The following AGAP1 variants were observed in gnomAD, a reference collection of about 807,000 sequenced individuals.
AGAP1 encodes arf-GAP with GTPase, ANK repeat and PH domain-containing protein 1.
A neutral mutation model predicts 105.3 loss-of-function variants in AGAP1; 29 were observed. The observed-to-expected ratio is 0.28, with a 90% CI of 0.21 to 0.38. The LOEUF (loss-of-function observed/expected upper bound fraction) is 0.38, where lower values mean the gene tolerates loss of function less well. Among genes scored for constraint, AGAP1 ranks in the 10% least tolerant of loss-of-function variants. AGAP1 has a pLI of 1.00. For synonymous variants in AGAP1, 509 were observed against 485.9 expected (o/e 1.05, Z -0.63); for missense variants, 998 against 1,165.1 (o/e 0.86, Z 2.09).
chr2:236,004,538 C>G (rs2056249901), intron 13 of AGAP1, among the ~76,000 whole-genome samples: 1 of 152,138 alleles, frequency 6.6e-6, no homozygotes, highest in Non-Finnish European at 1.5e-5. Context: ...CTGGTCTACC[C>G]CAAAGAGCAT....
chr2:235,978,668 G>A (rs1264249003), intron 13 of AGAP1, among the ~76,000 whole-genome samples: 1 of 152,200 alleles, frequency 6.6e-6, no homozygotes, highest in Non-Finnish European at 1.5e-5. Context: ...AAAGGCTTCA[G>A]GGGGTTGGAG....
chr2:236,115,257 G>C (rs1361860855), intron 16 of AGAP1, among the ~76,000 whole-genome samples: 1 of 152,208 alleles, frequency 6.6e-6, no homozygotes, highest in East Asian at 1.9e-4. Flanking sequence ...GGGAACCACT[G>C]TGGCCATGGT....
At chr2:235,852,717 C>A in intron 9 of AGAP1, 2 of 1,529,788 alleles carry the variant, frequency 1.3e-6, no homozygotes, top group South Asian at 1.2e-5. Context: ...GCACTGACAG[C>A]CAGCACTTAT....
At chr2:236,110,111 C>G (rs997386008) in intron 16 of AGAP1, among the ~76,000 whole-genome samples, 3 of 152,218 alleles carry the variant, frequency 2.0e-5, no homozygotes, top group African/African-American at 7.2e-5. Context: ...GGGCAGTGTT[C>G]TGTATCACTG....
chr2:235,565,264 G>A (rs1031637208), intron 1 of AGAP1, among the ~76,000 whole-genome samples: 4 of 149,050 alleles, frequency 2.7e-5, no homozygotes, highest in South Asian at 2.1e-4. Context: ...GAGCATCTTC[G>A]CAGGGCCAGG....
At chr2:235,670,236 C>T (rs1388221579) in intron 1 of AGAP1, 19 of 567,562 alleles carry the variant, frequency 3.3e-5, no homozygotes, top group Non-Finnish European at 6.1e-5. Context: ...GCGCCGGGCT[C>T]CGGCGGCCCG....
Position 235,720,383 on chromosome 2 carries a change from G to A in AGAP1, c.310+2739G>A, listed in dbSNP as rs1217693020. Among the ~76,000 whole-genome samples, 1 of 152,100 alleles carries A rather than the reference G, an allele frequency of 6.6e-6. No homozygotes were observed. Among genetic ancestry groups the A allele is most frequent in the Non-Finnish European group, 1.5e-5 (1 of 68,018 alleles). ...CTATCAAAGGGATGTGTTGTCCTCGGGGAGTGCTGGAGGCTGACAAAGCTG... is the reference window on the plus strand; with the variant it reads ...CTATCAAAGGGATGTGTTGTCCTCGAGGAGTGCTGGAGGCTGACAAAGCTG... On this transcript the variant is annotated intron_variant, in intron 3 of 17. Transcript: ENST00000304032. This position sits in a 1 kb window ranked among gnomAD's most constrained non-coding sequence, Gnocchi z 5.0.
rs1039379051 is a variant in AGAP1 at position 235,621,613 on chromosome 2, C to T, written c.164-87566C>T. The stretch of plus-strand genomic sequence containing the variant: ...CTGCCCATCATGCATTTAGGGGCTC[C>T]TCTGACTCCAGATGTCAGTGACCCT... On this transcript the variant is annotated intron_variant, in intron 1 of 17. Transcript: ENST00000304032. The surrounding 1 kb of genome is among the most constrained non-coding windows in gnomAD (Gnocchi z 4.1). 6.6e-6 allele frequency among the ~76,000 whole-genome samples: 1 copy of T among 152,218 alleles called. No individual in the cohort carries two copies. Among genetic ancestry groups the T allele is most frequent in the African/African-American group, 2.4e-5 (1 of 41,466 alleles).
Position 235,551,915 on chromosome 2 carries a change from G to A in AGAP1, c.163+57066G>A, listed in dbSNP as rs991456202. Among the ~76,000 whole-genome samples, 4 of 152,236 alleles carry A rather than the reference G, an allele frequency of 2.6e-5. No homozygotes were observed. Among genetic ancestry groups the A allele is most frequent in the African/African-American group, 9.6e-5 (4 of 41,458 alleles). ...GCTGTCTTTCAGCTGTGAGGAGCCA[G>A]GAGGGCGATCCCAGCTTTCTCCTGG... On this transcript the variant is annotated intron_variant, in intron 1 of 17. Coordinates refer to ENST00000304032, the MANE Select transcript of AGAP1 (RefSeq NM_001037131.3). This position sits in a 1 kb window ranked among gnomAD's most constrained non-coding sequence, Gnocchi z 4.8.
In AGAP1 at chr2:235,864,241, G is replaced by A. The variant is rs1440384164; in HGVS notation, c.1051-19104G>A. On this transcript the variant is annotated intron_variant, in intron 9 of 17. Coordinates refer to ENST00000304032, the MANE Select transcript of AGAP1 (RefSeq NM_001037131.3). The surrounding 1 kb of genome is among the most constrained non-coding windows in gnomAD (Gnocchi z 5.0). ...GAATTCCTCCCTGCCATATCCATGT[G>A]CCACTGTGTAGTCCCGTGAACTCTG... Among the ~76,000 whole-genome samples, 1 of 152,206 alleles carries A rather than the reference G, an allele frequency of 6.6e-6. No homozygotes were observed. The highest frequency in any genetic ancestry group is 2.4e-5 in the African/African-American group (1 of 41,464).
Position 235,904,842 on chromosome 2 carries a change from A to G in AGAP1, c.1156-3896A>G. Among the ~76,000 whole-genome samples the G allele has an allele frequency of 6.6e-6, 1 of 152,238 alleles. No homozygotes were observed. The highest frequency in any genetic ancestry group is 1.9e-4 in the East Asian group (1 of 5,200). On this transcript the variant is annotated intron_variant, in intron 10 of 17. Coordinates refer to ENST00000304032, the MANE Select transcript of AGAP1 (RefSeq NM_001037131.3). The surrounding 1 kb of genome is among the most constrained non-coding windows in gnomAD (Gnocchi z 4.2). ...TGAAGCCACAGATACATGTGTCTTT[A>G]TCTCCCACCTGTGTGTGAAGCGCTG...
intron 15 of AGAP1, among the ~76,000 whole-genome samples, chr2:236,041,838 G>T (rs1364127353): frequency 6.6e-6 from 1 of 152,190 alleles, no homozygotes; most frequent in African/African-American, 2.4e-5. Context: ...GCCATCGGGG[G>T]CATGCGGCGG....
At position 236,001,525 on chromosome 2, in the gene AGAP1, A is replaced by C. The variant is rs1316759381; in HGVS notation, c.1645+32902A>C. On this transcript the variant is annotated intron_variant, in intron 13 of 17. Coordinates refer to ENST00000304032, the MANE Select transcript of AGAP1 (RefSeq NM_001037131.3). This position sits in a 1 kb window ranked among gnomAD's most constrained non-coding sequence, Gnocchi z 4.7. ...AGTGGTGACAGTGGCTTCCCCAGGCATCAGCGCCACAGGAGGAGAGACACA... is the reference window on the plus strand; with the variant it reads ...AGTGGTGACAGTGGCTTCCCCAGGCCTCAGCGCCACAGGAGGAGAGACACA... Among the ~76,000 whole-genome samples the C allele has an allele frequency of 1.3e-5, 2 of 152,104 alleles. No homozygotes were observed. The highest frequency in any genetic ancestry group is 4.8e-5 in the African/African-American group (2 of 41,414).
intron 1 of AGAP1, among the ~76,000 whole-genome samples, chr2:235,680,194 G>A (rs535843856): frequency 6.6e-6 from 1 of 152,182 alleles, no homozygotes; most frequent in Non-Finnish European, 1.5e-5. Context: ...ACTGAAGAGC[G>A]GTAATTAAAT....
In AGAP1 at chr2:236,125,234, T is replaced by C. The variant is rs1375718196; in HGVS notation, c.*1112T>C. 4 of 154,262 alleles carry C rather than the reference T, an allele frequency of 2.6e-5. No homozygotes were observed. The highest frequency in any genetic ancestry group is 2.4e-5 in the African/African-American group (1 of 41,418). 9.6% of individuals were successfully genotyped at this position (154,262 alleles called of 1,614,324 possible). A position where few individuals can be genotyped will look rare whatever the true frequency, so the allele number is the denominator to read the frequency against. On this transcript the variant is annotated 3_prime_UTR_variant, in exon 18 of 18. Coordinates refer to ENST00000304032, the MANE Select transcript of AGAP1 (RefSeq NM_001037131.3). The surrounding 1 kb of genome is among the most constrained non-coding windows in gnomAD (Gnocchi z 5.2). ...TAAGATGTGTGAAAATATATTTGAA[T>C]AAAAGAAGTTCATAAATATGCATTG...
At position 235,662,851 on chromosome 2, in the gene AGAP1, A is replaced by G. The variant is rs1948006575; in HGVS notation, c.164-46328A>G. Among the ~76,000 whole-genome samples the G allele has an allele frequency of 6.6e-6, 1 of 152,180 alleles. No individual in the cohort carries two copies. Among genetic ancestry groups the G allele is most frequent in the Admixed American group, 6.5e-5 (1 of 15,290 alleles). On this transcript the variant is annotated intron_variant, in intron 1 of 17. Coordinates refer to ENST00000304032, the MANE Select transcript of AGAP1 (RefSeq NM_001037131.3). This position sits in a 1 kb window ranked among gnomAD's most constrained non-coding sequence, Gnocchi z 4.2. ...GCTCCTGGCCACTGCTGACTGGTGC[A>G]TGGCGAGCAGAGGTTTTATTCCATC...
intron 10 of AGAP1, among the ~76,000 whole-genome samples, chr2:235,894,921 ACAGTGTGAGAAT>A (rs2050731204): frequency 6.6e-6 from 1 of 152,186 alleles, no homozygotes; most frequent in East Asian, 1.9e-4. Flanking sequence ...GGACTCAGGC[ACAGTGTGAGAAT>A]CACTGAGCCT....
intron 5 of AGAP1, among the ~76,000 whole-genome samples, chr2:235,748,265 T>G (rs1479783433): frequency 6.6e-6 from 1 of 152,154 alleles, no homozygotes; most frequent in Non-Finnish European, 1.5e-5. Context: ...AGCATGCCGC[T>G]GAGGACGGAG....
chr2:235,994,532 G>A lies in AGAP1; in HGVS notation c.1645+25909G>A, dbSNP rs911141638. On this transcript the variant is annotated intron_variant, in intron 13 of 17. Transcript: ENST00000304032. This position sits in a 1 kb window ranked among gnomAD's most constrained non-coding sequence, Gnocchi z 4.4. Reference sequence around the variant, plus strand: ...TGAGAAGTAGGTCATCACTGTCATCGTCATAGTGGGGACACACTGAGAGGT... The same window carrying A: ...TGAGAAGTAGGTCATCACTGTCATCATCATAGTGGGGACACACTGAGAGGT... Among the ~76,000 whole-genome samples, 11 of 152,236 alleles carry A rather than the reference G, an allele frequency of 7.2e-5. No individual in the cohort carries two copies. The South Asian group carries it at 1.7e-3, about 23-fold the overall frequency.
Sources: gnomAD v4.1 joint callset for allele counts (sites outside exome capture counted in the v4.1 genomes callset) on GRCh38, gnomAD v4.1.1 for gene constraint, Gnocchi (gnomAD v3.1) non-coding constraint, MANE v1.5 for transcripts, NCBI Gene and HGNC (gene_info 2026-07-23, HGNC 2026-07-21) for gene names.